The following PCCA variants were observed in gnomAD, a reference collection of about 807,000 sequenced individuals.
The protein encoded by PCCA is propionyl-CoA carboxylase alpha chain, mitochondrial.
In PCCA, 74 loss-of-function variants were observed where a neutral mutation model predicts 101.3. That is an observed-to-expected ratio of 0.73 (90% CI 0.61 to 0.89). The LOEUF is 0.89. Among genes scored for constraint, PCCA ranks in the 40% least tolerant of loss-of-function variants. The pLI is 0.00. For synonymous variants in PCCA, 294 were observed against 313.6 expected (o/e 0.94, Z 0.66); for missense variants, 891 against 907.0 (o/e 0.98, Z 0.23).
chr13:100,486,484 G>C (rs915906125), intron 21 of PCCA, among the ~76,000 whole-genome samples: 12 of 152,198 alleles, frequency 7.9e-5, no homozygotes, highest in Non-Finnish European at 1.8e-4. Flanking sequence ...CCATATGGCA[G>C]AATATTCATA....
chr13:100,322,560 C>CT (rs762007376), intron 16 of PCCA, among the ~76,000 whole-genome samples: 2 of 150,566 alleles, frequency 1.3e-5, no homozygotes, highest in East Asian at 3.9e-4. Flanking sequence ...TTGCAATTTT[C>CT]TTTTTTTTAA....
intron 20 of PCCA, among the ~76,000 whole-genome samples, chr13:100,441,986 T>C (rs1174383059): frequency 8.7e-6 from 1 of 115,192 alleles, no homozygotes; most frequent in African/African-American, 2.6e-5. Context: ...TTTTTCCTTT[T>C]TTCTTTTTTT....
At chr13:100,103,315 C>CTT (rs199517193) in intron 2 of PCCA, among the ~76,000 whole-genome samples, 11 of 144,276 alleles carry the variant, frequency 7.6e-5, no homozygotes, top group African/African-American at 2.3e-4. Context: ...TTACTTAATA[C>CTT]TTTTTTTTTT....
Position 100,398,420 on chromosome 13 carries a change from AT to A in PCCA, c.1747-27212del, listed in dbSNP as rs989071713. 1.1e-4 allele frequency among the ~76,000 whole-genome samples: 17 copies of A among 152,330 alleles called. No individual in the cohort carries two copies. The South Asian group carries it at 3.1e-3, about 28-fold the overall frequency. On this transcript the variant is annotated intron_variant, in intron 19 of 23. Transcript: ENST00000376285. ...TTGTAATTAAGCTGCAATACAAAAAATATACGCACTTGCTAGAAGGATATTC... is the reference window on the plus strand; with the variant it reads ...TTGTAATTAAGCTGCAATACAAAAAAATACGCACTTGCTAGAAGGATATTC...
chr13:100,512,187 T>A (rs1437624152), intron 21 of PCCA, among the ~76,000 whole-genome samples: 1 of 152,242 alleles, frequency 6.6e-6, no homozygotes, highest in East Asian at 1.9e-4. Context: ...TTCTTGTCAT[T>A]GTCCTGCTCT....
chr13:100,283,118 C>T, intron 12 of PCCA, among the ~76,000 whole-genome samples: 1 of 152,142 alleles, frequency 6.6e-6, no homozygotes, highest in Admixed American at 6.5e-5. Context: ...CCTACAAGGT[C>T]TAGGGCAAAC....
chr13:100,124,269 CTCTA>C (rs1311595667), intron 4 of PCCA, among the ~76,000 whole-genome samples: 1 of 152,120 alleles, frequency 6.6e-6, no homozygotes, highest in Non-Finnish European at 1.5e-5. Flanking sequence ...TGACTGTATT[CTCTA>C]TCTACGTTCC....
chr13:100,227,321 A>G (rs574608456), intron 7 of PCCA, among the ~76,000 whole-genome samples: 25 of 152,186 alleles, frequency 1.6e-4, no homozygotes, highest in Admixed American at 7.9e-4. Flanking sequence ...CCCACAGGCC[A>G]TGTTCTAGGT....
At chr13:100,207,538 G>A (rs565551763) in intron 6 of PCCA, among the ~76,000 whole-genome samples, 23 of 151,750 alleles carry the variant, frequency 1.5e-4, no homozygotes, top group South Asian at 6.3e-4. Flanking sequence ...ATGCCACCAC[G>A]CCCAGCTAAT....
chr13:100,111,629 A>G (rs2048331014), intron 2 of PCCA, among the ~76,000 whole-genome samples: 1 of 152,218 alleles, frequency 6.6e-6, no homozygotes, highest in African/African-American at 2.4e-5. Context: ...GTAAACGGTT[A>G]TACTATTTAA....
chr13:100,219,876 G>A (rs867193295), intron 7 of PCCA, among the ~76,000 whole-genome samples: 3 of 152,132 alleles, frequency 2.0e-5, no homozygotes, highest in Admixed American at 1.3e-4. Context: ...TTTTTGGAGT[G>A]GGAGCATCTA....
At chr13:100,419,021 T>C (rs188688227) in intron 19 of PCCA, among the ~76,000 whole-genome samples, 21 of 151,592 alleles carry the variant, frequency 1.4e-4, no homozygotes, top group South Asian at 1.0e-3. Flanking sequence ...TTCTTTCTTT[T>C]TTTTTTTAAA....
At chr13:100,390,086 G>A (rs989729894) in intron 19 of PCCA, among the ~76,000 whole-genome samples, 7 of 152,316 alleles carry the variant, frequency 4.6e-5, no homozygotes, top group African/African-American at 1.7e-4. Context: ...GATTTAAGAT[G>A]TAGAATTAAC....
At chr13:100,174,736 A>C (rs1045778338) in intron 6 of PCCA, among the ~76,000 whole-genome samples, 3 of 151,294 alleles carry the variant, frequency 2.0e-5, no homozygotes, top group Non-Finnish European at 4.4e-5. Flanking sequence ...TCAAAAAAAA[A>C]AAAAAGAAAA....
At chr13:100,466,657 A>G (rs987265762) in intron 21 of PCCA, among the ~76,000 whole-genome samples, 1 of 152,196 alleles carries the variant, frequency 6.6e-6, no homozygotes, top group Non-Finnish European at 1.5e-5. Flanking sequence ...CACGAGTTTG[A>G]GACCAGCCTG....
intron 21 of PCCA, among the ~76,000 whole-genome samples, chr13:100,452,542 C>T (rs371744519): frequency 6.2e-4 from 95 of 152,270 alleles, no homozygotes; most frequent in African/African-American, 1.9e-3. Flanking sequence ...CACTTTCTTC[C>T]GGTCTTTACT....
intron 18 of PCCA, among the ~76,000 whole-genome samples, chr13:100,354,111 AATAATAAT>A (rs1428029991): frequency 2.7e-5 from 4 of 146,528 alleles, no homozygotes; most frequent in African/African-American, 7.5e-5. Flanking sequence ...TAATAATAAT[AATAATAAT>A]AAAATAATTC....
chr13:100,146,400 C>A (rs927181985), intron 4 of PCCA, among the ~76,000 whole-genome samples: 1 of 151,666 alleles, frequency 6.6e-6, no homozygotes, highest in Non-Finnish European at 1.5e-5. Flanking sequence ...CATGGTGAAA[C>A]CCCGTCTCCA....
intron 4 of PCCA, among the ~76,000 whole-genome samples, chr13:100,112,456 A>G (rs964292051): frequency 1.3e-5 from 2 of 152,186 alleles, no homozygotes; most frequent in Admixed American, 1.3e-4. Flanking sequence ...AAATGCTTCA[A>G]CGTGTTCAGC....
Sources: allele counts gnomAD v4.1 joint callset (sites outside exome capture counted in the v4.1 genomes callset), GRCh38; gene constraint gnomAD v4.1.1; transcripts MANE v1.5; gene names NCBI Gene and HGNC (gene_info 2026-07-23, HGNC 2026-07-21).